LVRN: variants seen among roughly 807,000 people sequenced by gnomAD.
LVRN encodes the protein aminopeptidase Q.
A neutral mutation model predicts 111.4 loss-of-function variants in LVRN; 99 were observed. The ratio of observed to expected loss-of-function variants is 0.89; its 90% CI spans 0.76 to 1.05. LVRN has a LOEUF of 1.05. LVRN is among the 50% of genes least tolerant of loss of function. The pLI is 0.00. For synonymous variants in LVRN, 488 were observed against 449.5 expected (o/e 1.09, Z -1.08); for missense variants, 1,414 against 1,206.8 (o/e 1.17, Z -2.54).
chr5:115,999,407 A>G (rs1413779874), intron 6 of LVRN, among the ~76,000 whole-genome samples: 1 of 152,204 alleles, frequency 6.6e-6, no homozygotes, highest in Non-Finnish European at 1.5e-5. Context: ...GGAGTTATTG[A>G]TAAAATTACT....
chr5:115,971,110 A>G (rs1424416974), intron 1 of LVRN, among the ~76,000 whole-genome samples: 2 of 152,216 alleles, frequency 1.3e-5, no homozygotes, highest in African/African-American at 4.8e-5. Context: ...CCAATGACTA[A>G]AAATGTTGTG....
chr5:115,999,532 C>T (rs867189426), intron 6 of LVRN, among the ~76,000 whole-genome samples: 1 of 152,096 alleles, frequency 6.6e-6, no homozygotes, highest in African/African-American at 2.4e-5. Flanking sequence ...TTGTAATTGA[C>T]TTTTTAAAAA....
intron 3 of LVRN, among the ~76,000 whole-genome samples, chr5:115,986,712 G>A (rs1037280294): frequency 6.6e-6 from 1 of 152,158 alleles, no homozygotes; most frequent in Non-Finnish European, 1.5e-5. Flanking sequence ...TGGAAAGTGT[G>A]GTTAATGTGT....
intron 18 of LVRN, among the ~76,000 whole-genome samples, chr5:116,017,722 G>C (rs532076657): frequency 6.6e-6 from 1 of 152,086 alleles, no homozygotes; most frequent in East Asian, 1.9e-4. Context: ...ATAATGAATA[G>C]GCTTTAAGAT....
intron 1 of LVRN, among the ~76,000 whole-genome samples, chr5:115,976,647 A>G (rs1753455483): frequency 6.6e-6 from 1 of 152,118 alleles, no homozygotes; most frequent in African/African-American, 2.4e-5. Flanking sequence ...TTTTTTTGGA[A>G]GTTCAGAATA....
intron 19 of LVRN, 51 bp downstream of exon 19, chr5:116,022,517 T>C: frequency 7.9e-7 from 1 of 1,271,998 alleles, no homozygotes; most frequent in South Asian, 1.3e-5. Flanking sequence ...AAACCACTTT[T>C]TATGCAATTT....
Position 116,022,437 on chromosome 5 carries a change from A to T in LVRN, c.2803A>T (p.Thr935Ser). ...LINLIYTIGR[T>S]VTTDLQIVEL... ...TAATCTAATATATACAATAGGGAGA[A>T]CCGTAACTACAGATTTACAGATTGT... The change falls in exon 19 of 20, where the codon ACC becomes TCC. Residue 935 changes from threonine (T) to serine (S), a missense_variant. Coordinates refer to ENST00000357872, the MANE Select transcript of LVRN (RefSeq NM_173800.5). 1 of 1,563,458 alleles carries T rather than the reference A, an allele frequency of 6.4e-7. No homozygotes were observed. Among genetic ancestry groups the T allele is most frequent in the African/African-American group, 1.4e-5 (1 of 72,522 alleles).
At chr5:116,008,237 G>A (rs1027467593) in intron 13 of LVRN, among the ~76,000 whole-genome samples, 7 of 152,060 alleles carry the variant, frequency 4.6e-5, no homozygotes, top group African/African-American at 1.7e-4. Flanking sequence ...CCAGCTACTC[G>A]GGAGGCTGAG....
In LVRN at chr5:116,026,835, G is replaced by C. The variant is rs1748877582; in HGVS notation, c.*717G>C. On this transcript the variant is annotated 3_prime_UTR_variant, in exon 20 of 20. Transcript: ENST00000357872. ...GCTTGCTGTGGTGGAGGCCATAGTGGAGATGAAGGCTCTGCTCTGAAGCTC... is the reference window on the plus strand; with the variant it reads ...GCTTGCTGTGGTGGAGGCCATAGTGCAGATGAAGGCTCTGCTCTGAAGCTC... 1 of 152,392 alleles carries C rather than the reference G, an allele frequency of 6.6e-6. No individual in the cohort carries two copies. Among genetic ancestry groups the C allele is most frequent in the Admixed American group, 6.5e-5 (1 of 15,288 alleles). The allele number at this position is 152,392 out of a possible 1,614,324, so 9.4% of individuals were successfully genotyped here.
At chr5:116,005,794 A>C (rs113264052) in intron 12 of LVRN, 118 bp from the exon 13 acceptor site, 3 of 783,690 alleles carry the variant, frequency 3.8e-6, no homozygotes, top group Non-Finnish European at 6.8e-6. Flanking sequence ...TGCAGATGAG[A>C]TAAGTCACGT....
chr5:116,010,275 T>A (rs1748457139), intron 13 of LVRN, among the ~76,000 whole-genome samples: 2 of 152,204 alleles, frequency 1.3e-5, no homozygotes, highest in Non-Finnish European at 2.9e-5. Context: ...ATCAAAAAAA[T>A]TGTATGACTT....
intron 18 of LVRN, among the ~76,000 whole-genome samples, chr5:116,018,489 G>A (rs767716238): frequency 3.4e-4 from 52 of 151,930 alleles, no homozygotes; most frequent in African/African-American, 1.0e-3. Flanking sequence ...CCTGACCAAC[G>A]TGGAGAAACC....
At chr5:115,998,773 G>C (rs1302106797) in intron 6 of LVRN, among the ~76,000 whole-genome samples, 1 of 152,138 alleles carries the variant, frequency 6.6e-6, no homozygotes, top group African/African-American at 2.4e-5. Context: ...AAATCCCCTG[G>C]TGATCCTTCT....
At position 115,982,159 on chromosome 5, in the gene LVRN, G is replaced by C. The variant is rs141603409; in HGVS notation, c.696-1128G>C. Among the ~76,000 whole-genome samples, 22 of 152,246 alleles carry C rather than the reference G, an allele frequency of 1.4e-4. No homozygotes were observed. The East Asian group carries it at 2.7e-3, about 19-fold the overall frequency. On this transcript the variant is annotated intron_variant, in intron 1 of 19. Transcript: ENST00000357872. ...GGCCTTACTATAAATTATTGTTTTT[G>C]TCAATACAATGAGGTTATGACACCT...
intron 15 of LVRN, among the ~76,000 whole-genome samples, chr5:116,013,433 T>C (rs946038685): frequency 1.3e-5 from 2 of 152,170 alleles, no homozygotes; most frequent in South Asian, 4.1e-4. Context: ...TAAATTGGAC[T>C]GAAGTAGCCT....
chr5:115,975,383 C>T (rs1753421922), intron 1 of LVRN: 1 of 215,908 alleles, frequency 4.6e-6, no homozygotes, highest in African/African-American at 2.4e-5. Context: ...ATTTGTTTGT[C>T]TCCATCTCCA....
chr5:116,008,261 A>G (rs7729334), intron 13 of LVRN, among the ~76,000 whole-genome samples: 72,052 of 151,618 alleles, frequency 0.48, 17,496 homozygotes, highest in South Asian at 0.57. Flanking sequence ...GGAGAATGGC[A>G]TGAACCCAGG....
chr5:115,989,932 G>A (rs1431503427), intron 4 of LVRN, among the ~76,000 whole-genome samples: 1 of 151,956 alleles, frequency 6.6e-6, no homozygotes, highest in Non-Finnish European at 1.5e-5. Context: ...CAAAACAAAT[G>A]CCTCCCCTAC....
intron 13 of LVRN, 141 bp from the exon 14 acceptor site, chr5:116,010,600 G>A: frequency 1.2e-6 from 1 of 857,598 alleles, no homozygotes; most frequent in Non-Finnish European, 1.9e-6. Flanking sequence ...TCTATAAGAT[G>A]GGACATTTAC....
Sources: gnomAD v4.1 joint callset for allele counts (sites outside exome capture counted in the v4.1 genomes callset) on GRCh38, gnomAD v4.1.1 for gene constraint, MANE v1.5 for transcripts, NCBI Gene and HGNC (gene_info 2026-07-23, HGNC 2026-07-21) for gene names.